Variants in STK17B observed in about 807,000 individuals in gnomAD.
The protein encoded by STK17B is serine/threonine kinase 17b.
In STK17B, 21 loss-of-function variants were observed where a neutral mutation model predicts 42.0. The observed-to-expected ratio is 0.50, with a 90% CI of 0.35 to 0.72. The LOEUF is 0.72. STK17B is among the 30% of genes least tolerant of loss of function. STK17B has a pLI of 0.00. For missense variants in STK17B, 349 were observed against 446.0 expected, an observed-to-expected ratio of 0.78 and a Z score of 1.96; for synonymous variants, 143 against 148.4, an observed-to-expected ratio of 0.96 and a Z score of 0.26.
rs1420942234 is a variant in STK17B, at chr2:196,141,314, A to C, written c.608-17T>G. 9.4e-6 allele frequency: 15 copies of C among 1,592,226 alleles called. No individual in the cohort carries two copies. The highest frequency in any genetic ancestry group is 1.2e-5 in the Non-Finnish European group (14 of 1,165,970). ...TTTCTGGAGCTGAAAGAAAAGATAAAACTTAAATTCAATATTGACAAATTT... is the reference window on the plus strand; with the variant it reads ...TTTCTGGAGCTGAAAGAAAAGATAACACTTAAATTCAATATTGACAAATTT... On this transcript the variant is annotated splice_polypyrimidine_tract_variant and intron_variant, in intron 5 of 7. Coordinates refer to ENST00000263955, the MANE Select transcript of STK17B (RefSeq NM_004226.4).
chr2:196,134,673 A>G lies in STK17B; in HGVS notation c.*2774T>C, dbSNP rs1350348549. ...TGTAGGGAAAATAATTAAAATGACA[A>G]TTGCAATTGTCATCTATATATCATC... On this transcript the variant is annotated 3_prime_UTR_variant, in exon 8 of 8. Coordinates refer to ENST00000263955, the MANE Select transcript of STK17B (RefSeq NM_004226.4). 6.6e-6 allele frequency: 1 copy of G among 152,142 alleles called. No homozygotes were observed. The highest frequency in any genetic ancestry group is 1.5e-5 in the Non-Finnish European group (1 of 68,006). 9.4% of individuals were successfully genotyped at this position (152,142 alleles called of 1,614,324 possible). A position where few individuals can be genotyped will look rare whatever the true frequency, so the allele number is the denominator to read the frequency against.
At chr2:196,139,920 A>G (rs1305224948) in intron 6 of STK17B, 121 bp from the exon 7 acceptor site, 5 of 644,500 alleles carry the variant, frequency 7.8e-6, no homozygotes, top group Non-Finnish European at 1.1e-5. Flanking sequence ...ACAGATTTAC[A>G]TTGCTTTTCA....
chr2:196,161,325 T>C (rs1699809557), intron 2 of STK17B, among the ~76,000 whole-genome samples: 1 of 151,848 alleles, frequency 6.6e-6, no homozygotes, highest in Non-Finnish European at 1.5e-5. Context: ...CTTCCTATTA[T>C]AATGCAAAAT....
At chr2:196,150,477 A>G (rs1699651293) in intron 3 of STK17B, among the ~76,000 whole-genome samples, 1 of 152,222 alleles carries the variant, frequency 6.6e-6, no homozygotes, top group South Asian at 2.1e-4. Context: ...ATCTAGCTCT[A>G]CATCTGTCTT....
At chr2:196,147,538 A>G (rs926896755) in intron 3 of STK17B, among the ~76,000 whole-genome samples, 83 of 152,134 alleles carry the variant, frequency 5.5e-4, no homozygotes, top group African/African-American at 1.9e-3. Context: ...TCTAGATATA[A>G]TTTGCAATTG....
At chr2:196,152,403 G>A (rs912800346) in intron 3 of STK17B, among the ~76,000 whole-genome samples, 5 of 151,922 alleles carry the variant, frequency 3.3e-5, no homozygotes, top group South Asian at 4.1e-4. Flanking sequence ...CACCACCCCC[G>A]GCCAAAAAAG....
chr2:196,136,155 A>C lies in STK17B; in HGVS notation c.*1292T>G, dbSNP rs1475854069. 1 of 152,264 alleles carries C rather than the reference A, an allele frequency of 6.6e-6. No homozygotes were observed. Among genetic ancestry groups the C allele is most frequent in the Non-Finnish European group, 1.5e-5 (1 of 68,052 alleles). 9.4% of individuals were successfully genotyped at this position (152,264 alleles called of 1,614,324 possible). A position where few individuals can be genotyped will look rare whatever the true frequency, so the allele number is the denominator to read the frequency against. On this transcript the variant is annotated 3_prime_UTR_variant, in exon 8 of 8. Transcript: ENST00000263955. ...CTTCTGATACAGCAACATGGTCATG[A>C]GATCACAGTTATCGTAACATGATAA...
Position 196,133,954 on chromosome 2 carries a change from TTAAAG to T in STK17B, c.*3488_*3492del, listed in dbSNP as rs1699358950. ...GAAATACTTTTAATACTACTTGAAA[TTAAAG>T]TACAGTTGTTTATACAACAATGAAT... is the stretch of plus-strand genomic sequence containing the variant. On this transcript the variant is annotated 3_prime_UTR_variant, in exon 8 of 8. Coordinates refer to ENST00000263955, the MANE Select transcript of STK17B (RefSeq NM_004226.4). 1 of 152,192 alleles carries T rather than the reference TTAAAG, an allele frequency of 6.6e-6. No individual in the cohort carries two copies. The highest frequency in any genetic ancestry group is 2.1e-4 in the South Asian group (1 of 4,832). 9.4% of individuals were successfully genotyped at this position (152,192 alleles called of 1,614,324 possible).
chr2:196,149,614 A>G (rs543838132), intron 3 of STK17B, among the ~76,000 whole-genome samples: 72 of 152,346 alleles, frequency 4.7e-4, no homozygotes, highest in African/African-American at 1.4e-3. Context: ...TAGAAACACT[A>G]TATGGTACAT....
At chr2:196,145,362 T>C (rs1699555981) in intron 4 of STK17B, among the ~76,000 whole-genome samples, 1 of 152,018 alleles carries the variant, frequency 6.6e-6, no homozygotes. Context: ...TTAAGGTCCT[T>C]GTGTGGTTAT....
At chr2:196,155,085 T>C (rs1164180887) in intron 3 of STK17B, among the ~76,000 whole-genome samples, 3 of 152,202 alleles carry the variant, frequency 2.0e-5, no homozygotes. Context: ...ATGAAAATAG[T>C]CAATGTTCTT....
intron 3 of STK17B, 157 bp downstream of exon 3, chr2:196,156,282 A>T: frequency 1.6e-6 from 1 of 640,628 alleles, no homozygotes; most frequent in Non-Finnish European, 2.6e-6. Flanking sequence ...CTATACATTT[A>T]GTCTTATGAA....
At chr2:196,174,079 A>G (rs1426077855), upstream of STK17B, among the ~76,000 whole-genome samples, 1 of 152,212 alleles carries the variant, frequency 6.6e-6, no homozygotes, top group Non-Finnish European at 1.5e-5. Flanking sequence ...ACCTGCTGAT[A>G]TCTTGATCAA....
In STK17B at chr2:196,140,577, C is replaced by CCTTTTTTTTTTTTTTTTTTTTTTT. The variant is rs1334737441; in HGVS notation, c.656+671_656+672insAAAAAAAAAAAAAAAAAAAAAAAG. Among the ~76,000 whole-genome samples, 3 of 101,478 alleles carry CCTTTTTTTTTTTTTTTTTTTTTTT rather than the reference C, an allele frequency of 3.0e-5. 1 individual carries two copies. The highest frequency in any genetic ancestry group is 1.1e-4 in the African/African-American group (3 of 27,890). 66.6% of individuals were successfully genotyped at this position (101,478 alleles called of 152,430 possible). A position where few individuals can be genotyped will look rare whatever the true frequency, so the allele number is the denominator to read the frequency against. ...CTGCTTAACAAATACCTTCTTCTAGCTTTTTTTTTTTTTTTTTTTTTTTGT... is the reference window on the plus strand; with the variant it reads ...CTGCTTAACAAATACCTTCTTCTAGCCTTTTTTTTTTTTTTTTTTTTTTTTTTTTTTTTTTTTTTTTTTTTTTGT... On this transcript the variant is annotated intron_variant, in intron 6 of 7. Coordinates refer to ENST00000263955, the MANE Select transcript of STK17B (RefSeq NM_004226.4).
intron 2 of STK17B, among the ~76,000 whole-genome samples, chr2:196,158,738 G>T (rs1020300297): frequency 1.0e-5 from 1 of 97,034 alleles, no homozygotes; most frequent in Admixed American, 1.2e-4. Flanking sequence ...TGGGCCAGAC[G>T]TGGTGGCTCA....
chr2:196,148,890 T>C (rs1699621406), intron 3 of STK17B, among the ~76,000 whole-genome samples: 1 of 152,184 alleles, frequency 6.6e-6, no homozygotes, highest in Non-Finnish European at 1.5e-5. Context: ...GATAGCATGG[T>C]GCATATAGGA....
At chr2:196,163,020 G>C (rs1335022501) in intron 2 of STK17B, among the ~76,000 whole-genome samples, 2 of 152,152 alleles carry the variant, frequency 1.3e-5, no homozygotes, top group Non-Finnish European at 2.9e-5. Context: ...CTCATGTAAC[G>C]ACAGAGACCT....
chr2:196,138,575 T>C (rs1699444094), intron 7 of STK17B, among the ~76,000 whole-genome samples: 1 of 152,012 alleles, frequency 6.6e-6, no homozygotes. Context: ...CTTTTGGTTT[T>C]TTTTTGGTTT....
intron 4 of STK17B, 90 bp from the exon 5 acceptor site, chr2:196,143,776 T>C: frequency 8.7e-7 from 1 of 1,151,430 alleles, no homozygotes. Flanking sequence ...AAGATATTGC[T>C]CAGCTATTAT....
Sources: gnomAD v4.1 joint callset for allele counts (sites outside exome capture counted in the v4.1 genomes callset) on GRCh38, gnomAD v4.1.1 for gene constraint, MANE v1.5 for transcripts, NCBI Gene and HGNC (gene_info 2026-07-23, HGNC 2026-07-21) for gene names.